SYNPR: variants seen among roughly 807,000 people sequenced by gnomAD.
SYNPR encodes the protein synaptoporin.
Under a neutral mutation model 32.9 loss-of-function variants are expected in SYNPR, and 23 were observed. The ratio of observed to expected loss-of-function variants is 0.70; its 90% CI spans 0.50 to 0.99. SYNPR has a LOEUF of 0.99. SYNPR is among the 50% of genes least tolerant of loss of function. The pLI, the probability that SYNPR is intolerant of heterozygous loss-of-function variation, is 0.00. For synonymous variants in SYNPR, 146 were observed against 135.9 expected, an observed-to-expected ratio of 1.07 and a Z score of -0.52; for missense variants, 318 against 349.3, an observed-to-expected ratio of 0.91 and a Z score of 0.71.
chr3:63,476,109 G>C (rs1156977547), intron 2 of SYNPR, among the ~76,000 whole-genome samples: 2 of 85,814 alleles, frequency 2.3e-5, no homozygotes, highest in East Asian at 7.0e-4. Context: ...GAAGGGAGGG[G>C]GGAGGAAGGA....
chr3:63,304,649 T>A (rs2086891768), intron 2 of SYNPR, among the ~76,000 whole-genome samples: 1 of 151,990 alleles, frequency 6.6e-6, no homozygotes, highest in Non-Finnish European at 1.5e-5. Context: ...TACTCAAATT[T>A]TCTTTCTCTT....
At chr3:63,544,156 G>A (rs1702357578) in intron 3 of SYNPR, among the ~76,000 whole-genome samples, 1 of 152,026 alleles carries the variant, frequency 6.6e-6, no homozygotes, top group Non-Finnish European at 1.5e-5. Context: ...ATTCTTACAT[G>A]TCATGTTACA....
At chr3:63,386,242 G>C (rs2088043307) in intron 2 of SYNPR, among the ~76,000 whole-genome samples, 1 of 152,170 alleles carries the variant, frequency 6.6e-6, no homozygotes, top group Admixed American at 6.5e-5. Flanking sequence ...ATGCTAACTG[G>C]TCAAGTGAGT....
chr3:63,506,006 T>C (rs1210557771), intron 3 of SYNPR, among the ~76,000 whole-genome samples: 1 of 152,114 alleles, frequency 6.6e-6, no homozygotes, highest in African/African-American at 2.4e-5. Flanking sequence ...ACTTATTTCA[T>C]TTTTTTCTGA....
chr3:63,313,699 A>G (rs1224581359), intron 2 of SYNPR, among the ~76,000 whole-genome samples: 1,344 of 44,996 alleles, frequency 0.03, 300 homozygotes, highest in Non-Finnish European at 0.049. Context: ...CCATATATAT[A>G]TATCCATATA....
chr3:63,455,304 G>C (rs1336688718), intron 2 of SYNPR, among the ~76,000 whole-genome samples: 1 of 152,118 alleles, frequency 6.6e-6, no homozygotes, highest in African/African-American at 2.4e-5. Flanking sequence ...GGCTTCAAGA[G>C]AGCAGTGTCC....
At position 63,261,020 on chromosome 3, in the gene SYNPR, C is replaced by A. The variant is rs534699280; in HGVS notation, n.155-6297C>A. Among the ~76,000 whole-genome samples, 431 of 152,278 alleles carry A rather than the reference C, an allele frequency of 2.8e-3. 5 individuals are homozygous for A. Among genetic ancestry groups the A allele is most frequent in the African/African-American group, 0.01 (416 of 41,548 alleles). On this transcript the variant is annotated intron_variant and non_coding_transcript_variant, in intron 2 of 4. Transcript: ENST00000478456. Reference sequence around the variant, plus strand: ...GCAAATCAAAACCACAATGAGATACCATCTCACACCACTTAGAATGGTGAT... The same window carrying A: ...GCAAATCAAAACCACAATGAGATACAATCTCACACCACTTAGAATGGTGAT...
chr3:63,252,407 T>G (rs1262310081), intron 1 of SYNPR: 1 of 152,212 alleles, frequency 6.6e-6, no homozygotes, highest in African/African-American at 2.4e-5. Context: ...TTCTATAATT[T>G]CAGAATAAAG....
chr3:63,579,825 GCACA>G (rs1272940237), intron 4 of SYNPR, among the ~76,000 whole-genome samples: 3 of 117,282 alleles, frequency 2.6e-5, no homozygotes, highest in African/African-American at 1.0e-4. Context: ...ACACACACAC[GCACA>G]CACACACAAA....
chr3:63,253,866 A>G (rs1182267964), intron 2 of SYNPR, among the ~76,000 whole-genome samples: 1 of 152,232 alleles, frequency 6.6e-6, no homozygotes, highest in African/African-American at 2.4e-5. Flanking sequence ...ACACATGCAT[A>G]TGTATGTTTA....
At chr3:63,496,117 A>T (rs961346719) in intron 3 of SYNPR, among the ~76,000 whole-genome samples, 11 of 152,010 alleles carry the variant, frequency 7.2e-5, no homozygotes, top group African/African-American at 2.4e-4. Flanking sequence ...ACTGATATTT[A>T]AAAAAAAGTA....
At chr3:63,591,108 G>A (rs369334549) in intron 4 of SYNPR, among the ~76,000 whole-genome samples, 39 of 150,360 alleles carry the variant, frequency 2.6e-4, no homozygotes, top group Middle Eastern at 3.4e-3. Flanking sequence ...ACAAATTTAC[G>A]AGAAAAAAAC....
the SYNPR span, among the ~76,000 whole-genome samples, chr3:63,204,854 A>G: frequency 1.3e-5 from 2 of 151,840 alleles, no homozygotes; most frequent in Admixed American, 1.3e-4. Flanking sequence ...TGCCCGGCTA[A>G]TTTTTGTATT....
chr3:63,273,934 T>C (rs1473026629), upstream of SYNPR, among the ~76,000 whole-genome samples: 1 of 152,202 alleles, frequency 6.6e-6, no homozygotes, highest in South Asian at 2.1e-4. Flanking sequence ...TGAAAATATT[T>C]CCACACAATC....
At chr3:63,562,889 C>T (rs1255891752) in intron 4 of SYNPR, among the ~76,000 whole-genome samples, 3 of 151,970 alleles carry the variant, frequency 2.0e-5, no homozygotes, top group South Asian at 2.1e-4. Flanking sequence ...TGTTACTTCA[C>T]GTATAGAATA....
chr3:63,207,420 G>C, the SYNPR span, among the ~76,000 whole-genome samples: 1 of 152,172 alleles, frequency 6.6e-6, no homozygotes, highest in Non-Finnish European at 1.5e-5. Flanking sequence ...GGTTTGACTA[G>C]CTCATGAAGG....
intron 2 of SYNPR, among the ~76,000 whole-genome samples, chr3:63,368,387 G>A (rs1223115628): frequency 1.3e-5 from 2 of 152,178 alleles, no homozygotes; most frequent in African/African-American, 2.4e-5. Context: ...AAAGAGGAAT[G>A]TGATGTTGCA....
intron 2 of SYNPR, among the ~76,000 whole-genome samples, chr3:63,398,713 C>T (rs6445343): frequency 0.43 from 65,452 of 150,638 alleles, 14,328 homozygotes; most frequent in Middle Eastern, 0.51. Flanking sequence ...AGCGAGACTC[C>T]GTCTCAAAAA....
At chr3:63,455,218 G>A (rs919300416) in intron 2 of SYNPR, among the ~76,000 whole-genome samples, 1 of 151,928 alleles carries the variant, frequency 6.6e-6, no homozygotes, top group Non-Finnish European at 1.5e-5. Flanking sequence ...TGAAATATTT[G>A]AGCCAATATG....
Sources: gnomAD v4.1 joint callset for allele counts (sites outside exome capture counted in the v4.1 genomes callset) on GRCh38, gnomAD v4.1.1 for gene constraint, MANE v1.5 for transcripts, NCBI Gene and HGNC (gene_info 2026-07-23, HGNC 2026-07-21) for gene names.